The following PCDHB15 variants were observed in gnomAD, a reference collection of about 807,000 sequenced individuals.
The protein encoded by PCDHB15 is protocadherin beta-15.
For synonymous variants in PCDHB15, 492 were observed against 447.9 expected (o/e 1.10, Z -1.24); for missense variants, 1,032 against 991.7 (o/e 1.04, Z -0.55).
Position 141,246,040 on chromosome 5 carries a change from G to A in PCDHB15, c.462G>A (p.Leu154=). The A allele has an allele frequency of 6.2e-7, 1 of 1,614,114 alleles. No individual in the cohort carries two copies. The highest frequency in any genetic ancestry group is 8.5e-7 in the Non-Finnish European group (1 of 1,180,016). Residue 154 remains leucine, a synonymous_variant, in exon 1 of 1, where the codon CTG becomes CTA. Coordinates refer to ENST00000231173, the MANE Select transcript of PCDHB15 (RefSeq NM_018935.4). ...ETSSLGTVFP[L]KKARDLDVGS... ...GCTCCCTTGGGACTGTGTTTCCTCTGAAAAAAGCTCGGGACTTGGACGTGG... is the reference window on the plus strand; with the variant it reads ...GCTCCCTTGGGACTGTGTTTCCTCTAAAAAAAGCTCGGGACTTGGACGTGG...
chr5:141,246,654 A>C lies in PCDHB15; in HGVS notation c.1076A>C (p.Asn359Thr), dbSNP rs1588411571. ...TCACTTACCAGCCCTATTCCCGAGA[A>C]TTCTCCAGAGACAGAAGTGGCCCTG... ...ISSLTSPIPE[N>T]SPETEVALFR... The change falls in exon 1 of 1, where the codon AAT becomes ACT. Residue 359 changes from asparagine to threonine, a missense_variant. Transcript: ENST00000231173. 6.2e-7 allele frequency: 1 copy of C among 1,614,200 alleles called. No homozygotes were observed. Among genetic ancestry groups the C allele is most frequent in the Non-Finnish European group, 8.5e-7 (1 of 1,180,034 alleles).
Position 141,246,132 on chromosome 5 carries a change from G to A in PCDHB15, c.554G>A (p.Arg185Gln). The change falls in exon 1 of 1, where the codon CGA (arginine) becomes CAA (glutamine). Residue 185 changes from arginine to glutamine, a missense_variant. Arg to Gln is a conservative substitution (Grantham distance 43, BLOSUM62 1). Coordinates refer to ENST00000231173, the MANE Select transcript of PCDHB15 (RefSeq NM_018935.4). Reference protein sequence around the residue: ...NSHFHVSTRTRGDGRKYPELV... With the variant: ...NSHFHVSTRTQGDGRKYPELV... ...CATTTCCATGTTTCCACTCGCACCC[G>A]AGGGGATGGCAGGAAATACCCAGAG... 6.2e-7 allele frequency: 1 copy of A among 1,614,188 alleles called. No homozygotes were observed. The highest frequency in any genetic ancestry group is 8.5e-7 in the Non-Finnish European group (1 of 1,180,054).
chr5:141,247,307 C>T lies in PCDHB15; in HGVS notation c.1729C>T (p.Pro577Ser). The T allele has an allele frequency of 2.5e-6, 4 of 1,608,498 alleles. No individual in the cohort carries two copies. Among genetic ancestry groups the T allele is most frequent in the South Asian group, 1.1e-5 (1 of 90,880 alleles). Residue 577 changes from proline to serine, a missense_variant, in exon 1 of 1, where the codon CCC (proline) becomes TCC (serine). Transcript: ENST00000231173. ...NGSAPCTELV[P>S]RAAEPGYLVT... The stretch of plus-strand genomic sequence containing the variant: ...CTCCGCGCCCTGCACCGAGCTGGTG[C>T]CCCGGGCGGCCGAGCCGGGCTACCT...
In PCDHB15 at chr5:141,248,598, T is replaced by C. The variant is rs1407801936; in HGVS notation, c.*656T>C. On this transcript the variant is annotated 3_prime_UTR_variant, in exon 1 of 1. Transcript: ENST00000231173. ...GGTTCTTCCTTATCTCTATCTAATG[T>C]TATGATCCTATTGGGGGGACTGGAC... 2 of 152,300 alleles carry C rather than the reference T, an allele frequency of 1.3e-5. No homozygotes were observed. The highest frequency in any genetic ancestry group is 4.8e-5 in the African/African-American group (2 of 41,470). The allele number at this position is 152,300 out of a possible 1,614,324, so 9.4% of individuals were successfully genotyped here.
In PCDHB15 at chr5:141,246,107, C is replaced by T. The variant is rs76728356; in HGVS notation, c.529C>T (p.His177Tyr). The T allele has an allele frequency of 2.2e-5, 35 of 1,614,174 alleles. No homozygotes were observed. Among genetic ancestry groups the T allele is most frequent in the African/African-American group, 4.0e-5 (3 of 75,050 alleles). The change falls in exon 1 of 1, where the codon CAT (histidine) becomes TAT (tyrosine). Residue 177 changes from histidine to tyrosine, a missense_variant. By Grantham distance (83) the His-to-Tyr change is moderately conservative (BLOSUM62 2). Coordinates refer to ENST00000231173, the MANE Select transcript of PCDHB15 (RefSeq NM_018935.4). ...AAACTACAATATTTCTCCCAATTCT[C>T]ATTTCCATGTTTCCACTCGCACCCG... ...VQNYNISPNS[H>Y]FHVSTRTRGD...
Position 141,247,451 on chromosome 5 carries a change from C to T in PCDHB15, c.1873C>T (p.Arg625Cys), listed in dbSNP as rs782687959. 4 of 1,607,354 alleles carry T rather than the reference C, an allele frequency of 2.5e-6. No individual in the cohort carries two copies. Among genetic ancestry groups the T allele is most frequent in the South Asian group, 2.2e-5 (2 of 90,974 alleles). The change falls in exon 1 of 1, where the codon CGC becomes TGC. Residue 625 changes from arginine to cysteine, a missense_variant. By Grantham distance (180) the Arg-to-Cys change is radical. Transcript: ENST00000231173. ...FGVWAHNGEVRTARLLSERDV... is the reference protein window; with the variant it reads ...FGVWAHNGEVCTARLLSERDV... ...CGTGTGGGCGCACAATGGCGAGGTG[C>T]GCACCGCCAGGCTGCTGAGCGAGCG...
rs1554291922 is a variant in PCDHB15 at position 141,246,445 on chromosome 5, C to A, written c.867C>A (p.Asp289Glu). The A allele has an allele frequency of 6.2e-7, 1 of 1,614,116 alleles. No homozygotes were observed. The change falls in exon 1 of 1, where the codon GAC (aspartate) becomes GAA (glutamate). Residue 289 changes from aspartate (D) to glutamate (E), a missense_variant. Coordinates refer to ENST00000231173, the MANE Select transcript of PCDHB15 (RefSeq NM_018935.4). ...TTTATTACAGCTCTCAGGAGATAGA[C>A]AAACCTTTTGAGCTAAGCAGCCTTT... is the stretch of plus-strand genomic sequence containing the variant. ...YSLYYSSQEI[D>E]KPFELSSLSG...
rs1170066520 is a variant in PCDHB15, at chr5:141,247,567, G to A, written c.1989G>A (p.Val663=). ...SATATLQVLL[V]DGFSQPYLPL... ...CCGCCACGCTGCAAGTGCTCCTGGTGGACGGCTTCTCTCAGCCCTACCTGC... is the reference window on the plus strand; with the variant it reads ...CCGCCACGCTGCAAGTGCTCCTGGTAGACGGCTTCTCTCAGCCCTACCTGC... The change falls in exon 1 of 1, where the codon GTG becomes GTA. Residue 663 remains valine, a synonymous_variant. Transcript: ENST00000231173. 2 of 1,609,416 alleles carry A rather than the reference G, an allele frequency of 1.2e-6. No homozygotes were observed. Among genetic ancestry groups the A allele is most frequent in the Admixed American group, 1.7e-5 (1 of 60,000 alleles).
In PCDHB15 at chr5:141,247,947, G is replaced by C; in HGVS notation, c.*5G>C. 1.3e-6 allele frequency: 2 copies of C among 1,576,172 alleles called. No homozygotes were observed. Among genetic ancestry groups the C allele is most frequent in the African/African-American group, 1.4e-5 (1 of 73,534 alleles). ...AAATCAGAATTTCTAGAATAATGTA[G>C]GTATCTGTAGCTTTCCGACCGTCTG... On this transcript the variant is annotated 3_prime_UTR_variant, in exon 1 of 1. Coordinates refer to ENST00000231173, the MANE Select transcript of PCDHB15 (RefSeq NM_018935.4).
Position 141,247,641 on chromosome 5 carries a change from T to C in PCDHB15, c.2063T>C (p.Val688Ala). 1 of 1,610,334 alleles carries C rather than the reference T, an allele frequency of 6.2e-7. No homozygotes were observed. The highest frequency in any genetic ancestry group is 8.5e-7 in the Non-Finnish European group (1 of 1,179,814). ...PAQAQADSLT[V>A]YLVVALASVS... ...CAAGCCCAGGCCGACTCGCTTACCG[T>C]CTACCTGGTGGTGGCATTGGCCTCG... Residue 688 changes from valine (V) to alanine (A), a missense_variant, in exon 1 of 1, where the codon GTC becomes GCC. Val to Ala is a moderately conservative substitution (Grantham distance 64). Coordinates refer to ENST00000231173, the MANE Select transcript of PCDHB15 (RefSeq NM_018935.4).
In PCDHB15 at chr5:141,247,991, C is replaced by A; in HGVS notation, c.*49C>A. ...CCGTCTGTTAATTTTGTCTTCCTCA[C>A]TTTTCACCTTAGTTTTTTTTAACCC... On this transcript the variant is annotated 3_prime_UTR_variant, in exon 1 of 1. Coordinates refer to ENST00000231173, the MANE Select transcript of PCDHB15 (RefSeq NM_018935.4). The A allele has an allele frequency of 6.6e-7, 1 of 1,506,286 alleles. No homozygotes were observed. The highest frequency in any genetic ancestry group is 8.9e-7 in the Non-Finnish European group (1 of 1,125,998). 93.3% of individuals were successfully genotyped at this position (1,506,286 alleles called of 1,614,324 possible).
rs781936979 is a variant in PCDHB15 at position 141,247,964 on chromosome 5, G to A, written c.*22G>A. 3 of 1,539,120 alleles carry A rather than the reference G, an allele frequency of 1.9e-6. No homozygotes were observed. Among genetic ancestry groups the A allele is most frequent in the Non-Finnish European group, 1.7e-6 (2 of 1,144,626 alleles). ...ATAATGTAGGTATCTGTAGCTTTCC[G>A]ACCGTCTGTTAATTTTGTCTTCCTC... On this transcript the variant is annotated 3_prime_UTR_variant, in exon 1 of 1. Transcript: ENST00000231173.
chr5:141,245,606 G>A lies in PCDHB15; in HGVS notation c.28G>A (p.Glu10Lys), dbSNP rs782788911. 1.2e-6 allele frequency: 2 copies of A among 1,614,090 alleles called. No individual in the cohort carries two copies. The highest frequency in any genetic ancestry group is 2.7e-5 in the African/African-American group (2 of 74,938). MEPAGERFPEQRQVLILLLL... is the reference protein window; with the variant it reads MEPAGERFPKQRQVLILLLL... ...GGAGCCTGCAGGGGAGCGCTTTCCCGAACAAAGGCAAGTCCTGATTCTCCT... is the reference window on the plus strand; with the variant it reads ...GGAGCCTGCAGGGGAGCGCTTTCCCAAACAAAGGCAAGTCCTGATTCTCCT... The change falls in exon 1 of 1, where the codon GAA (glutamate) becomes AAA (lysine). Residue 10 changes from glutamate (E) to lysine (K), a missense_variant. Transcript: ENST00000231173.
Position 141,248,670 on chromosome 5 carries a change from G to A in PCDHB15, c.*728G>A, listed in dbSNP as rs2149696743. Reference sequence around the variant, plus strand: ...TACTGTGTTTAAGGTGTTCGTATAAGGCCAATAGACACTAGGACCAAGTAA... The same window carrying A: ...TACTGTGTTTAAGGTGTTCGTATAAAGCCAATAGACACTAGGACCAAGTAA... On this transcript the variant is annotated 3_prime_UTR_variant, in exon 1 of 1. Transcript: ENST00000231173. 6.6e-6 allele frequency: 1 copy of A among 152,216 alleles called. No homozygotes were observed. The highest frequency in any genetic ancestry group is 1.9e-4 in the East Asian group (1 of 5,174). 9.4% of individuals were successfully genotyped at this position (152,216 alleles called of 1,614,324 possible). A position where few individuals can be genotyped will look rare whatever the true frequency, so the allele number is the denominator to read the frequency against.
Position 141,247,605 on chromosome 5 carries a change from C to T in PCDHB15, c.2027C>T (p.Ala676Val). 1 of 1,610,152 alleles carries T rather than the reference C, an allele frequency of 6.2e-7. No homozygotes were observed. ...FSQPYLPLPEAAPAQAQADSL... is the reference protein window; with the variant it reads ...FSQPYLPLPEVAPAQAQADSL... Reference sequence around the variant, plus strand: ...CAGCCCTACCTGCCGCTCCCAGAGGCGGCCCCGGCCCAAGCCCAGGCCGAC... The same window carrying T: ...CAGCCCTACCTGCCGCTCCCAGAGGTGGCCCCGGCCCAAGCCCAGGCCGAC... The change falls in exon 1 of 1, where the codon GCG becomes GTG. Residue 676 changes from alanine to valine, a missense_variant. Transcript: ENST00000231173.
At position 141,248,008 on chromosome 5, in the gene PCDHB15, T is replaced by C; in HGVS notation, c.*66T>C. ...CTTCCTCACTTTTCACCTTAGTTTT[T>C]TTTAACCCTTTAGTAATCTTGAATT... On this transcript the variant is annotated 3_prime_UTR_variant, in exon 1 of 1. Coordinates refer to ENST00000231173, the MANE Select transcript of PCDHB15 (RefSeq NM_018935.4). The C allele has an allele frequency of 2.1e-6, 3 of 1,458,632 alleles. No individual in the cohort carries two copies. The Admixed American group carries it at 7.0e-5, about 34-fold the overall frequency. 90.4% of individuals were successfully genotyped at this position (1,458,632 alleles called of 1,614,324 possible).
In PCDHB15 at chr5:141,247,549, G is replaced by A. The variant is rs781878183; in HGVS notation, c.1971G>A (p.Thr657=). ...AGCCTCCGCGCTCGGCCACCGCCAC[G>A]CTGCAAGTGCTCCTGGTGGACGGCT... The part of the protein sequence containing the change: ...NGEPPRSATA[T]LQVLLVDGFS... The change falls in exon 1 of 1, where the codon ACG becomes ACA. Residue 657 remains threonine, a synonymous_variant. Transcript: ENST00000231173. 3 of 1,608,826 alleles carry A rather than the reference G, an allele frequency of 1.9e-6. No homozygotes were observed. Among genetic ancestry groups the A allele is most frequent in the Non-Finnish European group, 2.5e-6 (3 of 1,179,770 alleles).
Position 141,247,837 on chromosome 5 carries a change from G to A in PCDHB15, c.2259G>A (p.Val753=), listed in dbSNP as rs1755320581. Residue 753 remains valine, a synonymous_variant, in exon 1 of 1, where the codon GTG becomes GTA. Transcript: ENST00000231173. ...TTTCCCAGAGCTACCAGTACGAGGT[G>A]TGTCTGACGGGAGGCTCTGAAAGTA... The part of the protein sequence containing the change: ...GTLSQSYQYE[V]CLTGGSESND... 6.2e-7 allele frequency: 1 copy of A among 1,614,130 alleles called. No homozygotes were observed. The highest frequency in any genetic ancestry group is 8.5e-7 in the Non-Finnish European group (1 of 1,180,058).
rs782374187 is a variant in PCDHB15, at chr5:141,247,342, G to A, written c.1764G>A (p.Lys588=). The A allele has an allele frequency of 4.5e-5, 73 of 1,606,554 alleles. 1 individual carries two copies. The South Asian group carries it at 5.7e-4, about 13-fold the overall frequency. ...RAAEPGYLVT[K]VVAVDGDSGQ... ...CCGAGCCGGGCTACCTGGTGACCAA[G>A]GTGGTGGCGGTGGACGGCGACTCGG... The change falls in exon 1 of 1, where the codon AAG becomes AAA. Residue 588 remains lysine, a synonymous_variant. Coordinates refer to ENST00000231173, the MANE Select transcript of PCDHB15 (RefSeq NM_018935.4).
Sources: gnomAD v4.1 joint callset for allele counts on GRCh38, gnomAD v4.1.1 for gene constraint, MANE v1.5 for transcripts, NCBI Gene and HGNC (gene_info 2026-07-23, HGNC 2026-07-21) for gene names.